The following NDST4 variants were observed in gnomAD, a reference collection of about 807,000 sequenced individuals.
The protein encoded by NDST4 is N-heparan sulfate sulfotransferase 4.
In NDST4, 63 loss-of-function variants were observed where a neutral mutation model predicts 100.8. That is an observed-to-expected ratio of 0.62 (90% confidence interval 0.51 to 0.77). NDST4 has a LOEUF of 0.77. Ranked by LOEUF, NDST4 falls within the 30% of genes least tolerant of loss-of-function variation. The pLI, the probability that NDST4 is intolerant of heterozygous loss-of-function variation, is 0.00. For synonymous variants in NDST4, 377 were observed against 361.8 expected (o/e 1.04, Z -0.48); for missense variants, 943 against 1,018.4 (o/e 0.93, Z 1.01).
intron 6 of NDST4, among the ~76,000 whole-genome samples, chr4:114,872,143 A>T (rs530509301): frequency 6.6e-6 from 1 of 152,044 alleles, no homozygotes; most frequent in East Asian, 1.9e-4. Flanking sequence ...GATACTAGCC[A>T]TGCAATAAAG....
chr4:114,965,497 T>A (rs1460108139), intron 4 of NDST4, among the ~76,000 whole-genome samples: 1 of 152,104 alleles, frequency 6.6e-6, no homozygotes, highest in Non-Finnish European at 1.5e-5. Context: ...CATAAATATG[T>A]GTAGCTTTTT....
At chr4:114,937,167 T>A in intron 5 of NDST4, 151 bp downstream of exon 5, 1 of 822,288 alleles carries the variant, frequency 1.2e-6, no homozygotes, top group Non-Finnish European at 1.9e-6. Context: ...GATGGGTTAA[T>A]GCATAACCAG....
chr4:115,104,502 A>C (rs1415010894), intron 1 of NDST4, among the ~76,000 whole-genome samples: 2 of 152,096 alleles, frequency 1.3e-5, no homozygotes, highest in African/African-American at 4.8e-5. Flanking sequence ...CTAGTTTCTG[A>C]ATCTTTGTCT....
In NDST4 at chr4:115,051,425, C is replaced by A. The variant is rs190844795; in HGVS notation, c.978+24634G>T. 3.4e-3 allele frequency among the ~76,000 whole-genome samples: 519 copies of A among 152,146 alleles called. 3 individuals carry two copies. The highest frequency in any genetic ancestry group is 4.1e-3 in the Non-Finnish European group (277 of 67,952). On this transcript the variant is annotated intron_variant, in intron 2 of 13. Coordinates refer to ENST00000264363, the MANE Select transcript of NDST4 (RefSeq NM_022569.3). ...CCCTTAATTTTCCCATCCTTTCTAT[C>A]CTTCCTGGCTTCTTTTAATCACCAA...
chr4:114,963,776 C>A (rs1578417012), intron 4 of NDST4, among the ~76,000 whole-genome samples: 2 of 152,022 alleles, frequency 1.3e-5, no homozygotes, highest in Admixed American at 6.6e-5. Flanking sequence ...TTGACATTAA[C>A]CTTGAAGAAA....
chr4:115,007,376 C>A (rs985308025), intron 2 of NDST4, among the ~76,000 whole-genome samples: 3 of 152,088 alleles, frequency 2.0e-5, no homozygotes, highest in Non-Finnish European at 4.4e-5. Flanking sequence ...AGAACCATTT[C>A]AATGGGGTGA....
At chr4:114,966,852 T>G (rs1031997077) in intron 4 of NDST4, among the ~76,000 whole-genome samples, 3 of 152,088 alleles carry the variant, frequency 2.0e-5, no homozygotes, top group African/African-American at 7.2e-5. Context: ...GTGCCTTTGG[T>G]TGGCAAATGA....
At chr4:115,027,037 C>T (rs988891662) in intron 2 of NDST4, among the ~76,000 whole-genome samples, 10 of 152,102 alleles carry the variant, frequency 6.6e-5, no homozygotes, top group Non-Finnish European at 1.2e-4. Flanking sequence ...AAAGAAGTAA[C>T]CTGGCTGGTG....
chr4:115,098,963 G>A (rs567674230), intron 1 of NDST4, among the ~76,000 whole-genome samples: 4 of 152,214 alleles, frequency 2.6e-5, no homozygotes, highest in Non-Finnish European at 4.4e-5. Context: ...CCACATTGGC[G>A]TCCCAAAATG....
chr4:115,099,235 T>A (rs967262753), intron 1 of NDST4, among the ~76,000 whole-genome samples: 3 of 152,106 alleles, frequency 2.0e-5, no homozygotes, highest in Admixed American at 2.0e-4. Context: ...TAGAAGATCA[T>A]ATAGGAGAAG....
At chr4:115,083,592 T>G (rs967422154) in intron 1 of NDST4, among the ~76,000 whole-genome samples, 1 of 152,232 alleles carries the variant, frequency 6.6e-6, no homozygotes, top group African/African-American at 2.4e-5. Flanking sequence ...GGTTTGGCTG[T>G]GTCCTCACCC....
chr4:114,841,145 A>T (rs1471830842), intron 10 of NDST4, among the ~76,000 whole-genome samples: 2 of 152,236 alleles, frequency 1.3e-5, no homozygotes, highest in African/African-American at 4.8e-5. Flanking sequence ...TTACCAGTTT[A>T]GCACCAACTT....
intron 1 of NDST4, among the ~76,000 whole-genome samples, chr4:115,108,558 ATATTT>A (rs1729878207): frequency 6.6e-6 from 1 of 151,930 alleles, no homozygotes; most frequent in Admixed American, 6.6e-5. Flanking sequence ...AAAATTATTT[ATATTT>A]ATTATTATCA....
At chr4:115,098,655 C>G (rs1265694812) in intron 1 of NDST4, among the ~76,000 whole-genome samples, 1 of 152,046 alleles carries the variant, frequency 6.6e-6, no homozygotes, top group Non-Finnish European at 1.5e-5. Flanking sequence ...ATAGTGATCC[C>G]AAAAATAAAC....
chr4:115,076,999 G>A lies in NDST4; in HGVS notation c.38C>T (p.Thr13Ile), dbSNP rs1363286124. 6.2e-7 allele frequency: 1 copy of A among 1,606,178 alleles called. No individual in the cohort carries two copies. Among genetic ancestry groups the A allele is most frequent in the African/African-American group, 1.3e-5 (1 of 74,694 alleles). The change falls in exon 2 of 14, where the codon ACA becomes ATA. Residue 13 changes from threonine (T) to isoleucine (I), a missense_variant. Physicochemically the swap from Thr to Ile is moderately conservative, Grantham distance 89. This residue lies in a region of NDST4 where 417 missense variants were observed against 384.2 expected (regional missense o/e 1.09). Transcript: ENST00000264363. ...LIVKLRRSFR[T>I]LIVLLATFCL... is the part of the protein sequence containing the mutation. ...AAAGGTAGCTAAGAGAACAATCAATGTTCGAAAACTTCTCCGAAGTTTCAC... is the reference window on the plus strand; with the variant it reads ...AAAGGTAGCTAAGAGAACAATCAATATTCGAAAACTTCTCCGAAGTTTCAC...
intron 1 of NDST4, among the ~76,000 whole-genome samples, chr4:115,110,484 C>G (rs1227723157): frequency 6.6e-6 from 1 of 151,882 alleles, no homozygotes; most frequent in Non-Finnish European, 1.5e-5. Flanking sequence ...ATGTTTGCTG[C>G]CTACCTTCAG....
At chr4:114,997,438 C>T (rs1727189288) in intron 2 of NDST4, among the ~76,000 whole-genome samples, 1 of 151,928 alleles carries the variant, frequency 6.6e-6, no homozygotes, top group Non-Finnish European at 1.5e-5. Context: ...TTCATAAACC[C>T]AGCTCTAAGG....
intron 2 of NDST4, among the ~76,000 whole-genome samples, chr4:115,028,152 C>A (rs1237978788): frequency 6.6e-6 from 1 of 151,878 alleles, no homozygotes; most frequent in African/African-American, 2.4e-5. Context: ...GAATGGTATA[C>A]ATTCAAGGAG....
At chr4:114,891,494 C>T (rs1002807816) in intron 6 of NDST4, among the ~76,000 whole-genome samples, 1 of 151,992 alleles carries the variant, frequency 6.6e-6, no homozygotes, top group Non-Finnish European at 1.5e-5. Flanking sequence ...CATTGCTTTC[C>T]CTTGTTCTCG....
Sources: gnomAD v4.1 joint callset for allele counts (sites outside exome capture counted in the v4.1 genomes callset) on GRCh38, gnomAD v4.1.1 for gene constraint, gnomAD v4.1.1 regional missense constraint, MANE v1.5 for transcripts, NCBI Gene and HGNC (gene_info 2026-07-23, HGNC 2026-07-21) for gene names.